Variants in CYP4F2 observed in about 807,000 individuals in gnomAD.
CYP4F2 encodes the protein cytochrome P450 4F2.
A neutral mutation model predicts 58.9 loss-of-function variants in CYP4F2; 58 were observed. That is an observed-to-expected ratio of 0.98 (90% confidence interval 0.80 to 1.23). CYP4F2 has a LOEUF of 1.23. CYP4F2 is among the 50% of genes most tolerant of loss of function. The probability of loss-of-function intolerance (pLI) is 0.00; values close to 1 mark genes in which losing one functional copy is unlikely to be tolerated. For missense variants in CYP4F2, 616 were observed against 685.6 expected (o/e 0.90, Z 1.13); for synonymous variants, 287 against 261.1 (o/e 1.10, Z -0.95).
intron 12 of CYP4F2, among the ~76,000 whole-genome samples, 196 bp from the exon 13 acceptor site, chr19:15,879,132 C>T (rs1256662538): frequency 6.6e-6 from 1 of 152,132 alleles, no homozygotes; most frequent in African/African-American, 2.4e-5. Flanking sequence ...CAGCCTAGAC[C>T]AAGGTGGGGT....
At chr19:15,879,099 A>G (rs878881912) in intron 12 of CYP4F2, among the ~76,000 whole-genome samples, 163 bp from the exon 13 acceptor site, 83 of 152,020 alleles carry the variant, frequency 5.5e-4, no homozygotes, top group African/African-American at 1.4e-3. Flanking sequence ...CATATCCTGC[A>G]AGCCTAGCCG....
In CYP4F2 at chr19:15,879,367, A is replaced by G. The variant is rs753169154; in HGVS notation, c.1376T>C (p.Ile459Thr). The change falls in exon 12 of 13, where the codon ATT becomes ACT. Residue 459 changes from isoleucine to threonine, a missense_variant. By Grantham distance (89) the Ile-to-Thr change is moderately conservative (BLOSUM62 -1). Coordinates refer to ENST00000221700, the MANE Select transcript of CYP4F2 (RefSeq NM_001082.5). ...NIKERSPLAF[I>T]PFSAGPRNCI... ...TTACCTGGGCCCTGCCGAGAAGGGA[A>G]TAAAAGCCAGAGGTGACCTCTCCTT... 63 of 1,613,970 alleles carry G rather than the reference A, an allele frequency of 3.9e-5. No individual in the cohort carries two copies. In the East Asian group the frequency reaches 4.0e-4, roughly 10 times the overall value.
intron 3 of CYP4F2, chr19:15,893,755 G>C: frequency 4.2e-6 from 1 of 237,368 alleles, no homozygotes; most frequent in Admixed American, 4.1e-5. Flanking sequence ...AAGAGCACAG[G>C]CTTGATGCAC....
intron 7 of CYP4F2, 139 bp from the exon 8 acceptor site, chr19:15,886,447 T>G: frequency 9.1e-7 from 1 of 1,094,240 alleles, no homozygotes; most frequent in Non-Finnish European, 1.3e-6. Context: ...CTTGCACTCC[T>G]AGACCCCTCT....
chr19:15,892,484 G>GC (rs749173384), intron 4 of CYP4F2, 45 bp downstream of exon 4: 1 of 1,613,768 alleles, frequency 6.2e-7, no homozygotes, highest in Non-Finnish European at 8.5e-7. Context: ...CCCTCCCCTG[G>GC]CCCCCCAACG....
At chr19:15,897,845 C>G (rs57300890) in intron 1 of CYP4F2, 181 bp downstream of exon 1, 7 of 453,798 alleles carry the variant, frequency 1.5e-5, no homozygotes, top group South Asian at 1.1e-4. Context: ...GAGAGAGAGA[C>G]TGATTAAAGT....
At chr19:15,879,957 T>C in intron 9 of CYP4F2, 60 bp from the exon 10 acceptor site, 1 of 1,596,372 alleles carries the variant, frequency 6.3e-7, no homozygotes. Flanking sequence ...TTCTCCAGCT[T>C]CTCTCTGTTT....
intron 9 of CYP4F2, among the ~76,000 whole-genome samples, chr19:15,882,251 G>GAAAAA (rs34369653): frequency 1.4e-5 from 2 of 144,608 alleles, no homozygotes; most frequent in African/African-American, 2.6e-5. Flanking sequence ...TCTCAAAAAT[G>GAAAAA]AAAAAAAAAA....
At chr19:15,896,069 TATCCATCCATCCATCC>T (rs746020026) in intron 2 of CYP4F2, among the ~76,000 whole-genome samples, 2 of 142,306 alleles carry the variant, frequency 1.4e-5, no homozygotes, top group Non-Finnish European at 3.0e-5. Context: ...TCTATCTATC[TATCCATCCATCCATCC>T]ATCCATCCAT....
At chr19:15,895,755 G>T in intron 2 of CYP4F2, 105 bp from the exon 3 acceptor site, 1 of 1,409,076 alleles carries the variant, frequency 7.1e-7, no homozygotes, top group Non-Finnish European at 9.4e-7. Context: ...TTATTTCTGG[G>T]TGTGTCTAAT....
intron 9 of CYP4F2, 72 bp downstream of exon 9, chr19:15,885,852 C>T: frequency 6.5e-7 from 1 of 1,550,354 alleles, no homozygotes; most frequent in South Asian, 1.2e-5. Context: ...AACAGCTTTT[C>T]CTCCCCTCCC....
intron 9 of CYP4F2, among the ~76,000 whole-genome samples, chr19:15,881,838 C>T (rs1402996932): frequency 1.3e-5 from 2 of 151,674 alleles, no homozygotes; most frequent in Admixed American, 6.6e-5. Context: ...TTTTGTTTGC[C>T]ACAACATGAA....
chr19:15,896,427 T>C (rs2089449125), intron 2 of CYP4F2, among the ~76,000 whole-genome samples: 1 of 152,108 alleles, frequency 6.6e-6, no homozygotes, highest in African/African-American at 2.4e-5. Context: ...GAGGAAGGAT[T>C]TTCTTTTTCT....
At chr19:15,880,478 C>T (rs796912392) in intron 9 of CYP4F2, among the ~76,000 whole-genome samples, 5 of 151,842 alleles carry the variant, frequency 3.3e-5, no homozygotes, top group Admixed American at 3.3e-4. Flanking sequence ...AATACAAAAA[C>T]TTAGCGGGGT....
intron 9 of CYP4F2, among the ~76,000 whole-genome samples, chr19:15,883,226 G>A (rs111438094): frequency 9.9e-5 from 15 of 152,172 alleles, no homozygotes; most frequent in African/African-American, 3.6e-4. Flanking sequence ...TCTGACAAGC[G>A]ATTAATAACC....
intron 9 of CYP4F2, 123 bp downstream of exon 9, chr19:15,885,801 T>G (rs2089374132): frequency 6.9e-7 from 1 of 1,444,044 alleles, no homozygotes; most frequent in South Asian, 1.3e-5. Flanking sequence ...TGTGGTCCTC[T>G]GCTCCTATTC....
chr19:15,894,283 T>C (rs1334984849), intron 3 of CYP4F2, among the ~76,000 whole-genome samples: 2 of 152,052 alleles, frequency 1.3e-5, no homozygotes, highest in Non-Finnish European at 2.9e-5. Context: ...AAACAGTAGC[T>C]CTGGAAGACC....
At position 15,892,411 on chromosome 19, in the gene CYP4F2, A is replaced by C. The variant is rs576410035; in HGVS notation, c.423T>G (p.Gly141=). 6.2e-7 allele frequency: 1 copy of C among 1,614,182 alleles called. No individual in the cohort carries two copies. The highest frequency in any genetic ancestry group is 2.2e-5 in the East Asian group (1 of 44,862). ...TCCGACGGTGGCGGCTCCACTTGTCACCAGCACTCAGCAGGAGCCCATCCC... is the reference window on the plus strand; with the variant it reads ...TCCGACGGTGGCGGCTCCACTTGTCCCCAGCACTCAGCAGGAGCCCATCCC... ...WLGDGLLLSA[G]DKWSRHRRML... is the part of the protein sequence containing the mutation. The change falls in exon 5 of 13, where the codon GGT becomes GGG. Residue 141 remains glycine, a synonymous_variant. Coordinates refer to ENST00000221700, the MANE Select transcript of CYP4F2 (RefSeq NM_001082.5).
At chr19:15,885,118 G>C (rs3093171) in intron 9 of CYP4F2, among the ~76,000 whole-genome samples, 1 of 145,510 alleles carries the variant, frequency 6.9e-6, no homozygotes, top group Non-Finnish European at 1.5e-5. Context: ...TCTCTCCCTC[G>C]CTCTCCTCTC....
Sources: allele counts gnomAD v4.1 joint callset (sites outside exome capture counted in the v4.1 genomes callset), GRCh38; gene constraint gnomAD v4.1.1; transcripts MANE v1.5; gene names NCBI Gene and HGNC (gene_info 2026-07-23, HGNC 2026-07-21).